GSE1: variants seen among roughly 807,000 people sequenced by gnomAD.
GSE1 encodes the protein Gse1 coiled-coil protein, also known as genetic suppressor element 1.
Under a neutral mutation model 112.6 loss-of-function variants are expected in GSE1, and 32 were observed. That is an observed-to-expected ratio of 0.28 (90% CI 0.21 to 0.38). GSE1 has a LOEUF of 0.38. GSE1 is among the 10% of genes least tolerant of loss of function. GSE1 has a pLI of 1.00. For missense variants in GSE1, 2,348 were observed against 1,699.2 expected, an observed-to-expected ratio of 1.38 and a Z score of -6.71; for synonymous variants, 1,115 against 735.6, an observed-to-expected ratio of 1.52 and a Z score of -8.35.
At chr16:85,299,804 G>C (rs1045030097) in intron 1 of GSE1, among the ~76,000 whole-genome samples, 9 of 151,832 alleles carry the variant, frequency 5.9e-5, no homozygotes, top group South Asian at 2.1e-4. Context: ...GCCAAGTGTG[G>C]TGGCATACAT....
At chr16:85,397,381 T>C (rs1482438607) in intron 2 of GSE1, among the ~76,000 whole-genome samples, 1 of 152,174 alleles carries the variant, frequency 6.6e-6, no homozygotes, top group Non-Finnish European at 1.5e-5. Context: ...TGCTGAGCCG[T>C]CTCCTGCGGG....
At chr16:85,277,279 G>A (rs1204357756) in intron 1 of GSE1, among the ~76,000 whole-genome samples, 9 of 152,170 alleles carry the variant, frequency 5.9e-5, no homozygotes, top group African/African-American at 1.9e-4. Flanking sequence ...GCCTCCAGAC[G>A]GGCCCAGGCT....
intron 1 of GSE1, among the ~76,000 whole-genome samples, chr16:85,260,951 C>G (rs747823158): frequency 6.6e-6 from 1 of 152,210 alleles, no homozygotes; most frequent in African/African-American, 2.4e-5. Context: ...AGGGAGAAAG[C>G]GAATGTGTTT....
At chr16:85,250,042 C>T (rs1906291968) in intron 1 of GSE1, among the ~76,000 whole-genome samples, 1 of 152,242 alleles carries the variant, frequency 6.6e-6, no homozygotes, top group African/African-American at 2.4e-5. Context: ...GTTTGTGGAG[C>T]AGCATCCGCC....
chr16:85,623,991 A>T (rs2048904267), intron 1 of GSE1, among the ~76,000 whole-genome samples: 1 of 152,090 alleles, frequency 6.6e-6, no homozygotes, highest in Non-Finnish European at 1.5e-5. Flanking sequence ...ACGTCCTTGG[A>T]TCCTCTCTCC....
Position 85,657,385 on chromosome 16 carries a change from T to A in GSE1, c.1421T>A (p.Ile474Asn). The change falls in exon 8 of 16, where the codon ATC (isoleucine) becomes AAC (asparagine). Residue 474 changes from isoleucine to asparagine, a missense_variant. Coordinates refer to ENST00000253458, the MANE Select transcript of GSE1 (RefSeq NM_014615.5). The part of the protein sequence containing the change: ...TVPSLISNHG[I>N]FSLPSSSAAT... ...CCCAGCCTCATCTCCAACCATGGCATCTTCTCTCTGCCTAGCAGCAGTGCT... is the reference window on the plus strand; with the variant it reads ...CCCAGCCTCATCTCCAACCATGGCAACTTCTCTCTGCCTAGCAGCAGTGCT... 1.2e-6 allele frequency: 2 copies of A among 1,612,570 alleles called. No homozygotes were observed. The highest frequency in any genetic ancestry group is 8.5e-7 in the Non-Finnish European group (1 of 1,179,810).
chr16:85,562,207 C>G lies in GSE1; in HGVS notation c.37+5844C>G, dbSNP rs149504545. 4.3e-3 allele frequency among the ~76,000 whole-genome samples: 657 copies of G among 152,356 alleles called. 4 individuals carry two copies. Among genetic ancestry groups the G allele is most frequent in the Non-Finnish European group, 7.2e-3 (489 of 68,036 alleles). On this transcript the variant is annotated intron_variant, in intron 1 of 2. Transcript: ENST00000635906. Reference sequence around the variant, plus strand: ...CGGGGACAGGCATTTCGGCTTCCATCTAGCACTTTCCAGGCAGTCACTAAT... The same window carrying G: ...CGGGGACAGGCATTTCGGCTTCCATGTAGCACTTTCCAGGCAGTCACTAAT...
intron 1 of GSE1, among the ~76,000 whole-genome samples, chr16:85,217,096 T>C (rs969141204): frequency 2.0e-5 from 3 of 152,238 alleles, no homozygotes; most frequent in Non-Finnish European, 4.4e-5. Flanking sequence ...GGCAACTGAC[T>C]CAGCCCCTTT....
At chr16:85,261,378 G>T (rs1411911462) in intron 1 of GSE1, among the ~76,000 whole-genome samples, 2 of 152,258 alleles carry the variant, frequency 1.3e-5, no homozygotes, top group African/African-American at 4.8e-5. Context: ...TGCTGACTCA[G>T]TGAATTTCAC....
intron 2 of GSE1, among the ~76,000 whole-genome samples, chr16:85,527,319 A>G (rs891740922): frequency 6.6e-6 from 1 of 152,242 alleles, no homozygotes; most frequent in Non-Finnish European, 1.5e-5. Flanking sequence ...TGAGAAGGCC[A>G]CTGCCCCTGC....
chr16:85,209,686 G>A (rs1452256733), intron 1 of GSE1, among the ~76,000 whole-genome samples: 1 of 152,232 alleles, frequency 6.6e-6, no homozygotes, highest in Non-Finnish European at 1.5e-5. Flanking sequence ...AGATCGAGGT[G>A]CATGGCCATG....
intron 2 of GSE1, among the ~76,000 whole-genome samples, chr16:85,397,466 T>A (rs1290869987): frequency 6.6e-6 from 1 of 152,220 alleles, no homozygotes; most frequent in Non-Finnish European, 1.5e-5. Context: ...GAACATGTGG[T>A]CTCTGCTGGC....
At chr16:85,219,776 G>T (rs888101571) in intron 1 of GSE1, among the ~76,000 whole-genome samples, 5 of 152,148 alleles carry the variant, frequency 3.3e-5, no homozygotes, top group African/African-American at 1.2e-4. Context: ...ACAGCCCCAT[G>T]ACTATGGGAC....
intron 1 of GSE1, among the ~76,000 whole-genome samples, chr16:85,626,355 G>T (rs1003390844): frequency 3.9e-5 from 6 of 152,242 alleles, no homozygotes; most frequent in Admixed American, 1.3e-4. Context: ...AGCCTCAGCC[G>T]CCAGGGTCTG....
intron 1 of GSE1, among the ~76,000 whole-genome samples, chr16:85,232,275 G>T (rs1904294568): frequency 6.6e-6 from 1 of 152,194 alleles, no homozygotes; most frequent in East Asian, 1.9e-4. Flanking sequence ...CTCCCCAGGG[G>T]CCTCACTTTG....
intron 2 of GSE1, among the ~76,000 whole-genome samples, chr16:85,457,949 T>C (rs1361671717): frequency 2.0e-5 from 3 of 152,222 alleles, no homozygotes; most frequent in African/African-American, 7.2e-5. Context: ...GTAATTTTCA[T>C]ACCTTCTCTG....
intron 1 of GSE1, among the ~76,000 whole-genome samples, chr16:85,312,529 A>G (rs2045883106): frequency 1.3e-5 from 2 of 152,148 alleles, no homozygotes; most frequent in African/African-American, 4.8e-5. Flanking sequence ...GACGCTAGTT[A>G]GTGGATTTAG....
intron 2 of GSE1, among the ~76,000 whole-genome samples, chr16:85,477,226 T>G (rs1240632381): frequency 6.6e-6 from 1 of 152,202 alleles, no homozygotes; most frequent in Non-Finnish European, 1.5e-5. Flanking sequence ...CTTGCTGAGT[T>G]GGAGCTGACC....
rs556153912 is a variant in GSE1, at chr16:85,636,510, C to G, written c.226+2378C>G. 1.3e-4 allele frequency among the ~76,000 whole-genome samples: 20 copies of G among 152,334 alleles called. No homozygotes were observed. In the East Asian group the frequency reaches 3.7e-3, roughly 28 times the overall value. On this transcript the variant is annotated intron_variant, in intron 2 of 15. Transcript: ENST00000253458. ...CTCAGCCACTCAGTGCACCTGGTCC[C>G]CATTCTCATGGAGTCACCCGGACCC... is the stretch of plus-strand genomic sequence containing the variant.
Sources: allele counts gnomAD v4.1 joint callset (sites outside exome capture counted in the v4.1 genomes callset), GRCh38; gene constraint gnomAD v4.1.1; transcripts MANE v1.5; gene names NCBI Gene and HGNC (gene_info 2026-07-23, HGNC 2026-07-21).